PPARGC1A: variants seen among roughly 807,000 people sequenced by gnomAD.
The protein encoded by PPARGC1A is peroxisome proliferator-activated receptor gamma coactivator 1-alpha.
PPARGC1A carries 25 observed loss-of-function variants against 88.7 expected under a neutral mutation model. The ratio of observed to expected loss-of-function variants is 0.28; its 90% CI spans 0.21 to 0.39. The LOEUF is 0.39. Among genes scored for constraint, PPARGC1A ranks in the 10% least tolerant of loss-of-function variants. PPARGC1A has a pLI of 1.00. For synonymous variants in PPARGC1A, 363 were observed against 355.6 expected (o/e 1.02, Z -0.24); for missense variants, 880 against 968.7 (o/e 0.91, Z 1.22).
At chr4:24,472,663 T>TGCCGCCGCCGCC in the PPARGC1A span, among the ~76,000 whole-genome samples, 3 of 151,496 alleles carry the variant, frequency 2.0e-5, no homozygotes, top group African/African-American at 4.8e-5. This position sits in a 1 kb window ranked among gnomAD's most constrained non-coding sequence, Gnocchi z 4.5. Flanking sequence ...ATGCTCGGGC[T>TGCCGCCGCCGCC]GCCGCCGCCG....
At chr4:24,258,295 A>C in the PPARGC1A span, 2 of 669,180 alleles carry the variant, frequency 3.0e-6, no homozygotes, top group Non-Finnish European at 3.7e-6. Flanking sequence ...AGTTTGTGTT[A>C]CCCCCACTTT....
At chr4:24,392,758 A>G in the PPARGC1A span, among the ~76,000 whole-genome samples, 1 of 152,088 alleles carries the variant, frequency 6.6e-6, no homozygotes, top group African/African-American at 2.4e-5. Flanking sequence ...CAGAAACAGC[A>G]TCTATCTTTG....
chr4:24,444,627 G>A, the PPARGC1A span, among the ~76,000 whole-genome samples: 5 of 152,112 alleles, frequency 3.3e-5, no homozygotes, highest in African/African-American at 1.2e-4. Context: ...CATCACAGAA[G>A]GTGAGAGATT....
the PPARGC1A span, among the ~76,000 whole-genome samples, chr4:24,199,059 T>A: frequency 7.2e-5 from 11 of 152,304 alleles, no homozygotes; most frequent in African/African-American, 2.4e-4. Context: ...GCTGTTTTTA[T>A]CCCCTGGCAG....
the PPARGC1A span, among the ~76,000 whole-genome samples, chr4:24,009,624 A>G: frequency 6.6e-6 from 1 of 152,212 alleles, no homozygotes; most frequent in African/African-American, 2.4e-5. Flanking sequence ...TGAAGTGGGT[A>G]AAACACAAGT....
the PPARGC1A span, among the ~76,000 whole-genome samples, chr4:23,950,855 C>T: frequency 1.3e-5 from 2 of 152,078 alleles, no homozygotes; most frequent in Non-Finnish European, 2.9e-5. Flanking sequence ...ACTTACTGGT[C>T]TAATTTTACC....
chr4:24,387,768 GAA>G, the PPARGC1A span, among the ~76,000 whole-genome samples: 3,776 of 62,876 alleles, frequency 0.06, 196 homozygotes, highest in African/African-American at 0.11. Flanking sequence ...GAGAGAGAGA[GAA>G]AGAAAGAAAG....
chr4:23,974,614 T>A, the PPARGC1A span, among the ~76,000 whole-genome samples: 2 of 151,756 alleles, frequency 1.3e-5, no homozygotes, highest in African/African-American at 4.8e-5. Context: ...CCCAGGACTG[T>A]CAGTGTCTGT....
At chr4:24,057,819 G>A in the PPARGC1A span, among the ~76,000 whole-genome samples, 3 of 152,206 alleles carry the variant, frequency 2.0e-5, no homozygotes, top group Non-Finnish European at 2.9e-5. Context: ...CCAGTGTGGT[G>A]GTGGCGAGAC....
the PPARGC1A span, among the ~76,000 whole-genome samples, chr4:24,049,085 A>G: frequency 6.6e-6 from 1 of 151,580 alleles, no homozygotes; most frequent in Non-Finnish European, 1.5e-5. Flanking sequence ...TGGTATTTAT[A>G]TGTTCTCCTC....
the PPARGC1A span, among the ~76,000 whole-genome samples, chr4:24,356,697 C>T: frequency 6.6e-6 from 1 of 152,184 alleles, no homozygotes; most frequent in Non-Finnish European, 1.5e-5. Context: ...CCTCTTTTAT[C>T]ACAGTAATAG....
chr4:24,019,948 C>T, the PPARGC1A span, among the ~76,000 whole-genome samples: 23 of 152,292 alleles, frequency 1.5e-4, no homozygotes, highest in African/African-American at 4.3e-4. Flanking sequence ...ACTGGAAACA[C>T]GTGGAGTCCT....
At chr4:24,069,706 T>C in the PPARGC1A span, among the ~76,000 whole-genome samples, 3 of 152,318 alleles carry the variant, frequency 2.0e-5, no homozygotes, top group South Asian at 6.2e-4. Flanking sequence ...AGTCCACATG[T>C]AGAATAAATA....
At chr4:23,917,970 A>G in the PPARGC1A span, among the ~76,000 whole-genome samples, 18 of 152,280 alleles carry the variant, frequency 1.2e-4, no homozygotes, top group East Asian at 1.9e-4. Flanking sequence ...GCTGATACCA[A>G]TTTTACAGAA....
the PPARGC1A span, among the ~76,000 whole-genome samples, chr4:24,337,647 C>T: frequency 1.3e-5 from 2 of 151,322 alleles, no homozygotes; most frequent in Non-Finnish European, 2.9e-5. Context: ...CCTCATTTAC[C>T]CTCAGAACAC....
intron 2 of PPARGC1A, among the ~76,000 whole-genome samples, chr4:23,867,675 T>A (rs1276866554): frequency 6.6e-6 from 1 of 152,122 alleles, no homozygotes; most frequent in African/African-American, 2.4e-5. Context: ...GAAAGTAAGG[T>A]CAGAATCATT....
At chr4:24,243,365 G>A in the PPARGC1A span, among the ~76,000 whole-genome samples, 1,208 of 152,262 alleles carry the variant, frequency 7.9e-3, 95 homozygotes, top group East Asian at 0.18. Flanking sequence ...ACATAACAGT[G>A]AACTCCCCAT....
At chr4:24,124,855 C>T in the PPARGC1A span, among the ~76,000 whole-genome samples, 1 of 152,096 alleles carries the variant, frequency 6.6e-6, no homozygotes, top group Non-Finnish European at 1.5e-5. Flanking sequence ...GTTTTGTATT[C>T]AGACATAAAT....
chr4:24,164,741 T>A, the PPARGC1A span, among the ~76,000 whole-genome samples: 147 of 152,280 alleles, frequency 9.7e-4, no homozygotes, highest in African/African-American at 3.5e-3. Flanking sequence ...TTGCAGCACA[T>A]GGGAAAAGTA....
Sources: gnomAD v4.1 joint callset for allele counts (sites outside exome capture counted in the v4.1 genomes callset) on GRCh38, gnomAD v4.1.1 for gene constraint, Gnocchi (gnomAD v3.1) non-coding constraint, MANE v1.5 for transcripts, NCBI Gene and HGNC (gene_info 2026-07-23, HGNC 2026-07-21) for gene names.